The following RBFOX1 variants were observed in gnomAD, a reference collection of about 807,000 sequenced individuals.
RBFOX1 encodes RNA binding fox-1 homolog 1.
Under a neutral mutation model 57.7 loss-of-function variants are expected in RBFOX1, and 8 were observed. That is an observed-to-expected ratio of 0.14 (90% CI 0.08 to 0.25). RBFOX1 has a LOEUF of 0.25. Among genes scored for constraint, RBFOX1 ranks in the 10% least tolerant of loss-of-function variants. The pLI, the probability that RBFOX1 is intolerant of heterozygous loss-of-function variation, is 1.00. For missense variants in RBFOX1, 611 were observed against 548.5 expected, an observed-to-expected ratio of 1.11 and a Z score of -1.14; for synonymous variants, 326 against 222.4, an observed-to-expected ratio of 1.47 and a Z score of -4.15.
rs74004368 is a variant in RBFOX1, at chr16:5,521,413, T to C, written c.258+54159T>C. ...AAAGATCATTCCAGCCTTGTACATT[T>C]GATTTTAGGATCCCAAATCATTTCT... On this transcript the variant is annotated intron_variant, in intron 2 of 2. Transcript: ENST00000585867. Among the ~76,000 whole-genome samples, 817 of 152,330 alleles carry C rather than the reference T, an allele frequency of 5.4e-3. 5 individuals are homozygous for C. The highest frequency in any genetic ancestry group is 0.018 in the African/African-American group (748 of 41,572).
intron 1 of RBFOX1, among the ~76,000 whole-genome samples, chr16:6,074,332 C>T (rs918045990): frequency 6.6e-6 from 1 of 152,120 alleles, no homozygotes; most frequent in African/African-American, 2.4e-5. Context: ...TTACCTGTGA[C>T]TAGTAATTCC....
At chr16:5,434,475 C>T (rs1023068234) in intron 1 of RBFOX1, among the ~76,000 whole-genome samples, 2 of 151,866 alleles carry the variant, frequency 1.3e-5, no homozygotes, top group Non-Finnish European at 2.9e-5. Context: ...GCATGCACCA[C>T]CATGCCCAGC....
In RBFOX1 at chr16:6,086,657, T is replaced by C. The variant is rs374111545; in HGVS notation, c.-127+66665T>C. Among the ~76,000 whole-genome samples, 8 of 152,324 alleles carry C rather than the reference T, an allele frequency of 5.3e-5. No individual in the cohort carries two copies. In the East Asian group the frequency reaches 1.5e-3, roughly 29 times the overall value. ...TATATCTGAACTCATATCAGGGAGA[T>C]GATTTACTGTTTCTCAATAAAAGAT... On this transcript the variant is annotated intron_variant, in intron 1 of 15. Transcript: ENST00000550418.
intron 4 of RBFOX1, among the ~76,000 whole-genome samples, chr16:5,903,330 A>G (rs1014134901): frequency 1.3e-5 from 2 of 152,096 alleles, no homozygotes; most frequent in Non-Finnish European, 2.9e-5. Flanking sequence ...TCCAGTATCA[A>G]CCTGTCCTCT....
At chr16:6,770,713 A>C (rs991385804) in intron 3 of RBFOX1, among the ~76,000 whole-genome samples, 2 of 152,244 alleles carry the variant, frequency 1.3e-5, no homozygotes, top group South Asian at 2.1e-4. Flanking sequence ...GATGCAGATG[A>C]GAGGAAGTGG....
chr16:6,898,832 TATGTGTGTGC>T (rs1247544509), intron 3 of RBFOX1, among the ~76,000 whole-genome samples: 1 of 151,846 alleles, frequency 6.6e-6, no homozygotes, highest in East Asian at 1.9e-4. Context: ...TACATGTGTG[TATGTGTGTGC>T]ATGTGTATGT....
intron 2 of RBFOX1, among the ~76,000 whole-genome samples, chr16:6,548,396 C>G (rs1025864634): frequency 5.9e-5 from 9 of 152,080 alleles, no homozygotes; most frequent in Non-Finnish European, 1.0e-4. Context: ...TATGTAGTGT[C>G]TCTTTGGGCT....
chr16:5,917,135 C>G (rs1480638409), intron 4 of RBFOX1, among the ~76,000 whole-genome samples: 1 of 152,136 alleles, frequency 6.6e-6, no homozygotes, highest in Non-Finnish European at 1.5e-5. Flanking sequence ...TCCTGTTCCT[C>G]TGCTTTAGAC....
At chr16:6,856,810 G>A (rs1288170086) in intron 3 of RBFOX1, among the ~76,000 whole-genome samples, 2 of 152,132 alleles carry the variant, frequency 1.3e-5, no homozygotes, top group Admixed American at 6.5e-5. Context: ...GGCATTTTAA[G>A]CATTGCGATT....
At chr16:6,154,148 C>A (rs1044557441) in intron 1 of RBFOX1, among the ~76,000 whole-genome samples, 1 of 152,172 alleles carries the variant, frequency 6.6e-6, no homozygotes, top group Admixed American at 6.5e-5. Flanking sequence ...GCTTACTAAG[C>A]CTGTAACATC....
chr16:7,099,393 A>G (rs1288538178), intron 4 of RBFOX1, among the ~76,000 whole-genome samples: 1 of 152,144 alleles, frequency 6.6e-6, no homozygotes, highest in Non-Finnish European at 1.5e-5. Flanking sequence ...CCTCTTTAAA[A>G]TGGGGCTAAT....
chr16:7,395,514 A>G (rs2098125487), intron 4 of RBFOX1, among the ~76,000 whole-genome samples: 1 of 152,236 alleles, frequency 6.6e-6, no homozygotes, highest in Non-Finnish European at 1.5e-5. Flanking sequence ...TGGACGGAAT[A>G]CTAAATCTCT....
intron 2 of RBFOX1, among the ~76,000 whole-genome samples, chr16:6,633,900 ACTCAG>A (rs1262638155): frequency 6.3e-4 from 96 of 151,982 alleles, no homozygotes; most frequent in Middle Eastern, 3.4e-3. Flanking sequence ...AGTCCTAGCG[ACTCAG>A]GAGGCTGAGG....
intron 2 of RBFOX1, among the ~76,000 whole-genome samples, chr16:5,582,080 T>C (rs955757271): frequency 6.6e-6 from 1 of 152,222 alleles, no homozygotes; most frequent in Admixed American, 6.5e-5. Flanking sequence ...ATTATTTCAC[T>C]GTTAAAAGAG....
chr16:5,393,986 G>A (rs1397176381), intron 1 of RBFOX1, among the ~76,000 whole-genome samples: 1 of 152,046 alleles, frequency 6.6e-6, no homozygotes, highest in Non-Finnish European at 1.5e-5. Context: ...GTCTTTTCGT[G>A]TCTGGCTGAT....
At chr16:5,925,882 C>T (rs12444659) in intron 4 of RBFOX1, among the ~76,000 whole-genome samples, 1 of 151,894 alleles carries the variant, frequency 6.6e-6, no homozygotes. Flanking sequence ...CAGTGTTTCA[C>T]TACCACAAAT....
At chr16:5,280,121 TTTG>T (rs2063236457) in intron 1 of RBFOX1, among the ~76,000 whole-genome samples, 1 of 152,240 alleles carries the variant, frequency 6.6e-6, no homozygotes, top group Non-Finnish European at 1.5e-5. Context: ...GTATGCCTAA[TTTG>T]TTGAGAGTTT....
At chr16:6,167,324 T>G (rs900246351) in intron 1 of RBFOX1, among the ~76,000 whole-genome samples, 1 of 152,200 alleles carries the variant, frequency 6.6e-6, no homozygotes, top group African/African-American at 2.4e-5. Context: ...AGTTGTACTT[T>G]CTCTGTGGAC....
At chr16:5,463,364 C>T (rs902082155) in intron 1 of RBFOX1, among the ~76,000 whole-genome samples, 1 of 152,096 alleles carries the variant, frequency 6.6e-6, no homozygotes, top group Non-Finnish European at 1.5e-5. Context: ...AAGCTGATCT[C>T]TTTATTCTCC....
Sources: gnomAD v4.1 joint callset for allele counts (sites outside exome capture counted in the v4.1 genomes callset) on GRCh38, gnomAD v4.1.1 for gene constraint, MANE v1.5 for transcripts, NCBI Gene and HGNC (gene_info 2026-07-23, HGNC 2026-07-21) for gene names.